The following ALDH1A1 variants were observed in gnomAD, a reference collection of about 807,000 sequenced individuals.
ALDH1A1 encodes the protein aldehyde dehydrogenase 1 family member A1, also known as aldehyde dehydrogenase 1A1.
In ALDH1A1, 19 loss-of-function variants were observed where a neutral mutation model predicts 62.1. That is an observed-to-expected ratio of 0.31 (90% CI 0.21 to 0.45). The LOEUF (loss-of-function observed/expected upper bound fraction) is 0.45, where lower values mean the gene tolerates loss of function less well. ALDH1A1 is among the 20% of genes least tolerant of loss of function. The probability of loss-of-function intolerance (pLI) is 1.00; values close to 1 mark genes in which losing one functional copy is unlikely to be tolerated. For missense variants in ALDH1A1, 521 were observed against 607.1 expected (o/e 0.86, Z 1.49); for synonymous variants, 231 against 215.9 (o/e 1.07, Z -0.61).
chr9:72,924,586 T>C (rs1306912803), intron 6 of ALDH1A1, among the ~76,000 whole-genome samples: 1 of 152,202 alleles, frequency 6.6e-6, no homozygotes, highest in African/African-American at 2.4e-5. Flanking sequence ...CAAATTCCCA[T>C]TGGCATTACT....
chr9:72,910,894 A>T (rs1307670099), intron 10 of ALDH1A1, among the ~76,000 whole-genome samples: 1 of 152,188 alleles, frequency 6.6e-6, no homozygotes, highest in Non-Finnish European at 1.5e-5. Flanking sequence ...CATATTTTAC[A>T]TAATTTTAAT....
chr9:72,916,830 G>T, intron 9 of ALDH1A1, 90 bp downstream of exon 9: 1 of 1,110,874 alleles, frequency 9.0e-7, no homozygotes, highest in Non-Finnish European at 1.2e-6. Flanking sequence ...TGTGCAGATG[G>T]GAAGTAATCT....
intron 1 of ALDH1A1, among the ~76,000 whole-genome samples, chr9:72,949,146 C>T (rs1256715947): frequency 1.3e-5 from 2 of 151,892 alleles, no homozygotes; most frequent in African/African-American, 4.8e-5. Context: ...ATTTCACATC[C>T]ATGTCAAAGT....
At position 72,918,820 on chromosome 9, in the gene ALDH1A1, A is replaced by G; in HGVS notation, c.750T>C (p.Val250=). 1 of 1,613,300 alleles carries G rather than the reference A, an allele frequency of 6.2e-7. No homozygotes were observed. The stretch of plus-strand genomic sequence containing the variant: ...CGGCAGCTTCTTTGATCAACTTGCC[A>G]ACCTGAAAGGGAGCATTACAAAGGA... ...DKVAFTGSTE[V]GKLIKEAAGK... Residue 250 remains valine, a splice_region_variant and synonymous_variant, in exon 8 of 13, where the codon GTT becomes GTC. Coordinates refer to ENST00000297785, the MANE Select transcript of ALDH1A1 (RefSeq NM_000689.5).
At chr9:72,940,982 TCA>T (rs1200749255) in intron 1 of ALDH1A1, among the ~76,000 whole-genome samples, 4 of 152,174 alleles carry the variant, frequency 2.6e-5, no homozygotes, top group African/African-American at 9.6e-5. Flanking sequence ...TTAAAACATC[TCA>T]GTTTCAACTT....
At chr9:72,942,130 C>T (rs922529231) in intron 1 of ALDH1A1, among the ~76,000 whole-genome samples, 1 of 152,122 alleles carries the variant, frequency 6.6e-6, no homozygotes. Flanking sequence ...TAAATTCAGA[C>T]GAAAGTGCTG....
chr9:72,948,937 T>G (rs1830505591), intron 1 of ALDH1A1, among the ~76,000 whole-genome samples: 1 of 151,820 alleles, frequency 6.6e-6, no homozygotes, highest in Non-Finnish European at 1.5e-5. Context: ...TTGTAAGAAT[T>G]TAAAGAGATA....
chr9:72,909,412 C>G lies in ALDH1A1; in HGVS notation c.1358+190G>C, dbSNP rs541703205. On this transcript the variant is annotated intron_variant, in intron 11 of 12. Coordinates refer to ENST00000297785, the MANE Select transcript of ALDH1A1 (RefSeq NM_000689.5). Reference sequence around the variant, plus strand: ...CAGTCAGCTGATCCACCCACCTCAGCCTCCCAAAGTGCTGGGATTACAGGC... The same window carrying G: ...CAGTCAGCTGATCCACCCACCTCAGGCTCCCAAAGTGCTGGGATTACAGGC... Among the ~76,000 whole-genome samples, 302 of 152,208 alleles carry G rather than the reference C, an allele frequency of 2.0e-3. 1 individual carries two copies. The highest frequency in any genetic ancestry group is 7.0e-3 in the African/African-American group (289 of 41,520).
chr9:72,909,731 T>C lies in ALDH1A1; in HGVS notation c.1229A>G (p.Lys410Arg), dbSNP rs1177550659. The C allele has an allele frequency of 6.2e-7, 1 of 1,613,298 alleles. No individual in the cohort carries two copies. Residue 410 changes from lysine to arginine, a missense_variant, in exon 11 of 13, where the codon AAG becomes AGG. By Grantham distance (26) the Lys-to-Arg change is conservative (BLOSUM62 2). Coordinates refer to ENST00000297785, the MANE Select transcript of ALDH1A1 (RefSeq NM_000689.5). ...GATCACGTCATCTAAAGATTTAAAC[T>C]TCATGATTTGCTGCACTGGTCCAAA... is the stretch of plus-strand genomic sequence containing the variant. ...EIFGPVQQIM[K>R]FKSLDDVIKR...
At chr9:72,951,087 T>C (rs1830539061) in intron 1 of ALDH1A1, among the ~76,000 whole-genome samples, 1 of 151,940 alleles carries the variant, frequency 6.6e-6, no homozygotes, top group Non-Finnish European at 1.5e-5. Flanking sequence ...GAAATCAAAA[T>C]TCACTGACTT....
In ALDH1A1 at chr9:72,943,357, AC is replaced by A. The variant is rs149527153; in HGVS notation, c.67-3106del. 3.4e-3 allele frequency among the ~76,000 whole-genome samples: 514 copies of A among 152,192 alleles called. 4 individuals are homozygous for A. The highest frequency in any genetic ancestry group is 0.012 in the African/African-American group (484 of 41,548). On this transcript the variant is annotated intron_variant, in intron 1 of 12. Transcript: ENST00000297785. The stretch of plus-strand genomic sequence containing the variant: ...ATAGCTTATTTTACTCTCTTTACAC[AC>A]TTTTTTGTAAAAGAATTATTACAGT...
At chr9:72,921,119 C>T (rs998328431) in intron 7 of ALDH1A1, among the ~76,000 whole-genome samples, 6 of 151,704 alleles carry the variant, frequency 4.0e-5, no homozygotes, top group Admixed American at 2.6e-4. Flanking sequence ...TGGTGGTGGG[C>T]GCCTGTAGTC....
intron 9 of ALDH1A1, among the ~76,000 whole-genome samples, chr9:72,913,747 C>T (rs1288507160): frequency 6.6e-6 from 1 of 152,212 alleles, no homozygotes; most frequent in South Asian, 2.1e-4. Flanking sequence ...CAGTGCCTTG[C>T]TACCGACAAT....
In ALDH1A1 at chr9:72,923,725, T is replaced by C. The variant is rs1830169039; in HGVS notation, c.747+294A>G. 6 of 207,058 alleles carry C rather than the reference T, an allele frequency of 2.9e-5. No homozygotes were observed. In the South Asian group the frequency reaches 5.9e-4, roughly 20 times the overall value. 12.8% of individuals were successfully genotyped at this position (207,058 alleles called of 1,614,324 possible). ...CAAATCACTATGGCCTAATTTTCTA[T>C]TATAAATCTTCCTAATAATATGACA... On this transcript the variant is annotated intron_variant, in intron 7 of 12. Transcript: ENST00000297785.
chr9:72,905,005 C>A (rs575790412), intron 12 of ALDH1A1, among the ~76,000 whole-genome samples: 1 of 152,128 alleles, frequency 6.6e-6, no homozygotes, highest in Non-Finnish European at 1.5e-5. Context: ...TCCCATTTCA[C>A]TGACTCTTCA....
intron 4 of ALDH1A1, among the ~76,000 whole-genome samples, chr9:72,928,672 T>G (rs2052481614): frequency 6.6e-6 from 1 of 152,238 alleles, no homozygotes; most frequent in African/African-American, 2.4e-5. Context: ...AAAATATCTA[T>G]AATGTTATCT....
At chr9:72,951,418 A>G (rs1830543062) in intron 1 of ALDH1A1, among the ~76,000 whole-genome samples, 1 of 151,758 alleles carries the variant, frequency 6.6e-6, no homozygotes, top group Non-Finnish European at 1.5e-5. Context: ...AAATACACAC[A>G]CAAGGAAGAC....
chr9:72,937,344 A>G (rs1830358257), intron 2 of ALDH1A1, among the ~76,000 whole-genome samples: 1 of 152,202 alleles, frequency 6.6e-6, no homozygotes, highest in Non-Finnish European at 1.5e-5. Context: ...TGTATAATAC[A>G]AAGGTTATAA....
chr9:72,942,963 C>T (rs554188418), intron 1 of ALDH1A1, among the ~76,000 whole-genome samples: 60 of 152,124 alleles, frequency 3.9e-4, no homozygotes, highest in Non-Finnish European at 7.1e-4. Context: ...TACATATCAG[C>T]CCATAAAATT....
Sources: allele counts gnomAD v4.1 joint callset (sites outside exome capture counted in the v4.1 genomes callset), GRCh38; gene constraint gnomAD v4.1.1; transcripts MANE v1.5; gene names NCBI Gene and HGNC (gene_info 2026-07-23, HGNC 2026-07-21).